Variants in MUC3A observed in about 807,000 individuals in gnomAD.
MUC3A encodes the protein mucin-3A.
A neutral mutation model predicts 109.0 loss-of-function variants in MUC3A; 109 were observed. The observed-to-expected ratio is 1.00, with a 90% CI of 0.86 to 1.17. The LOEUF is 1.17. Ranked by LOEUF, MUC3A falls within the 50% of genes most tolerant of loss-of-function variation. MUC3A has a pLI of 0.00. For missense variants in MUC3A, 3,537 were observed against 2,469.4 expected (o/e 1.43, Z -9.16); for synonymous variants, 1,398 against 981.4 (o/e 1.42, Z -7.93).
chr7:100,964,687 C>G lies in MUC3A; in HGVS notation c.9234-8C>G. ...CTGGGGCACTCTCTAAGGCTGTGGA[C>G]CCCTCAGGAATGGCAGCATCGTGGT... On this transcript the variant is annotated splice_polypyrimidine_tract_variant and splice_region_variant and intron_variant, in intron 5 of 11. Coordinates refer to ENST00000379458, the MANE Select transcript of MUC3A (RefSeq NM_005960.2). 6.3e-7 allele frequency: 1 copy of G among 1,597,482 alleles called. No individual in the cohort carries two copies.
Position 100,960,051 on chromosome 7 carries a change from T to C in MUC3A, c.8272T>C (p.Phe2758Leu). 6.6e-7 allele frequency: 1 copy of C among 1,510,050 alleles called. No individual in the cohort carries two copies. Among genetic ancestry groups the C allele is most frequent in the Non-Finnish European group, 8.8e-7 (1 of 1,140,292 alleles). 93.5% of individuals were successfully genotyped at this position (1,510,050 alleles called of 1,614,324 possible). Residue 2758 changes from phenylalanine (F) to leucine (L), a missense_variant, in exon 2 of 12, where the codon TTT becomes CTT. Phe to Leu is a conservative substitution (Grantham distance 22). Coordinates refer to ENST00000379458, the MANE Select transcript of MUC3A (RefSeq NM_005960.2). ...LTTALTEITP[F>L]SYISLPSTTP... Reference sequence around the variant, plus strand: ...CACAGCTCTCACTGAAATAACCCCCTTTTCTTATATTTCCCTTCCCTCCAC... The same window carrying C: ...CACAGCTCTCACTGAAATAACCCCCCTTTCTTATATTTCCCTTCCCTCCAC...
intron 8 of MUC3A, 56 bp from the exon 9 acceptor site, chr7:100,966,330 A>C: frequency 7.9e-7 from 1 of 1,263,086 alleles, no homozygotes; most frequent in Non-Finnish European, 9.9e-7. Flanking sequence ...GCCCAGGTGC[A>C]CGGGTGGACC....
chr7:100,965,294 A>C lies in MUC3A; in HGVS notation c.9395A>C (p.Lys3132Thr). 6.3e-7 allele frequency: 1 copy of C among 1,599,258 alleles called. No homozygotes were observed. Among genetic ancestry groups the C allele is most frequent in the African/African-American group, 1.3e-5 (1 of 75,076 alleles). ...TGTGTTTCCGCAGCCCTGTGTTTTA[A>C]GCCTGACTCCATCAAGGTGAACAAC... ...SCQDSQTLCF[K>T]PDSIKVNNNS... The change falls in exon 7 of 12, where the codon AAG becomes ACG. Residue 3132 changes from lysine to threonine, a missense_variant. Transcript: ENST00000379458.
chr7:100,951,857 C>T lies in MUC3A; in HGVS notation c.78C>T (p.Ala26=). Residue 26 remains alanine, a synonymous_variant, in exon 2 of 12, where the codon GCC becomes GCT. Transcript: ENST00000379458. The part of the protein sequence containing the change: ...SPWATGTLST[A]TSISQVPFPR... The stretch of plus-strand genomic sequence containing the variant: ...CCAATGCAGGAACTTTATCCACGGC[C>T]ACATCCATCTCTCAAGTGCCTTTCC... 2 of 1,596,902 alleles carry T rather than the reference C, an allele frequency of 1.3e-6. No homozygotes were observed. Among genetic ancestry groups the T allele is most frequent in the Non-Finnish European group, 8.5e-7 (1 of 1,178,158 alleles).
intron 5 of MUC3A, chr7:100,964,008 T>A: frequency 1.6e-6 from 1 of 624,270 alleles, no homozygotes. Flanking sequence ...GTGCCTGGAT[T>A]GATGACTTTG....
Position 100,967,102 on chromosome 7 carries a change from C to G in MUC3A, c.9931-19C>G, listed in dbSNP as rs1349264509. ...AACCAGTGGCTCCGCGTTCCCGTCC[C>G]TCACTGTGACTCTGACAGGTGCACA... On this transcript the variant is annotated intron_variant, in intron 11 of 11. Coordinates refer to ENST00000379458, the MANE Select transcript of MUC3A (RefSeq NM_005960.2). The G allele has an allele frequency of 6.3e-7, 1 of 1,598,544 alleles. No individual in the cohort carries two copies. Among genetic ancestry groups the G allele is most frequent in the Admixed American group, 1.7e-5 (1 of 60,030 alleles).
rs769214702 is a variant in MUC3A, at chr7:100,960,781, C to T, written c.8896C>T (p.Gln2966Ter). The change falls in exon 3 of 12, where the codon CAG becomes TAG. Residue 2966 changes from glutamine (Q) to a stop codon, truncating the protein, a stop_gained. Transcript: ENST00000379458. LOFTEE classifies it high-confidence loss of function. ...CTGTGACAATGGTGGCACCTGGGAA[C>T]AGGGCCAGTGTGCTTGCCTTCCGGG... The part of the protein sequence containing the change: ...GTCDNGGTWE[Q>*]GQCACLPGFS... 5 of 1,598,332 alleles carry T rather than the reference C, an allele frequency of 3.1e-6. No individual in the cohort carries two copies. In the South Asian group the frequency reaches 3.3e-5, roughly 11 times the overall value.
At chr7:100,966,354 T>A (rs587600579) in intron 8 of MUC3A, 32 bp from the exon 9 acceptor site, 26 of 1,304,264 alleles carry the variant, frequency 2.0e-5, no homozygotes, top group Non-Finnish European at 2.5e-5. Context: ...AGCCCGGAGG[T>A]GAAGAGGGTC....
At chr7:100,962,501 C>T (rs1792361602) in intron 3 of MUC3A, among the ~76,000 whole-genome samples, 1 of 152,310 alleles carries the variant, frequency 6.6e-6, no homozygotes, top group South Asian at 2.1e-4. Context: ...ATAGCATAGT[C>T]ACAGTTCTGG....
intron 1 of MUC3A, 49 bp from the exon 2 acceptor site, chr7:100,951,792 A>G (rs772533847): frequency 6.3e-6 from 10 of 1,577,334 alleles, no homozygotes; most frequent in Non-Finnish European, 7.7e-6. Context: ...ATGTAACAAA[A>G]TGACCCACGG....
In MUC3A at chr7:100,960,812, C is replaced by T. The variant is rs760192428; in HGVS notation, c.8927C>T (p.Ser2976Phe). The T allele has an allele frequency of 1.3e-6, 2 of 1,598,530 alleles. No homozygotes were observed. Among genetic ancestry groups the T allele is most frequent in the Admixed American group, 3.3e-5 (2 of 60,032 alleles). Residue 2976 changes from serine (S) to phenylalanine (F), a missense_variant, in exon 3 of 12, where the codon TCT becomes TTT. Transcript: ENST00000379458. Reference protein sequence around the residue: ...QGQCACLPGFSGDRCQLQTRC... With the variant: ...QGQCACLPGFFGDRCQLQTRC... ...CAGTGTGCTTGCCTTCCGGGGTTTTCTGGGGACCGCTGTCAGCTCCAGACC... is the reference window on the plus strand; with the variant it reads ...CAGTGTGCTTGCCTTCCGGGGTTTTTTGGGGACCGCTGTCAGCTCCAGACC...
In MUC3A at chr7:100,958,266, T is replaced by A; in HGVS notation, c.6487T>A (p.Ser2163Thr). The A allele has an allele frequency of 1.9e-6, 3 of 1,593,282 alleles. No individual in the cohort carries two copies. The highest frequency in any genetic ancestry group is 1.7e-6 in the Non-Finnish European group (2 of 1,175,170). Residue 2163 changes from serine (S) to threonine (T), a missense_variant, in exon 2 of 12, where the codon TCT (serine) becomes ACT (threonine). Physicochemically the swap from Ser to Thr is moderately conservative, Grantham distance 58 (BLOSUM62 1). Coordinates refer to ENST00000379458, the MANE Select transcript of MUC3A (RefSeq NM_005960.2). Reference sequence around the variant, plus strand: ...ATCCCACAGTACTCCCAGCTTCACTTCTTTGATCACCACCACGGAGACCAC... The same window carrying A: ...ATCCCACAGTACTCCCAGCTTCACTACTTTGATCACCACCACGGAGACCAC... ...TTSHSTPSFT[S>T]LITTTETTSH...
Position 100,958,376 on chromosome 7 carries a change from A to T in MUC3A, c.6597A>T (p.Ser2199=). The change falls in exon 2 of 12, where the codon TCA becomes TCT. Residue 2199 remains serine (S), a synonymous_variant. Transcript: ENST00000379458. ...CAAATACCATCACTGAGACCACCTC[A>T]CACAGTACTCCCAGCTACATTACCT... ...TSSNTITETT[S]HSTPSYITSI... is the part of the protein sequence containing the mutation. 1.3e-6 allele frequency: 1 copy of T among 752,300 alleles called. No homozygotes were observed. The highest frequency in any genetic ancestry group is 1.9e-6 in the Non-Finnish European group (1 of 538,518). The allele number at this position is 752,300 out of a possible 1,614,324, so 46.6% of individuals were successfully genotyped here.
Position 100,960,626 on chromosome 7 carries a change from C to T in MUC3A, c.8847C>T (p.Ser2949=), listed in dbSNP as rs1489857122. 2 of 1,598,064 alleles carry T rather than the reference C, an allele frequency of 1.3e-6. No homozygotes were observed. Among genetic ancestry groups the T allele is most frequent in the East Asian group, 2.2e-5 (1 of 44,890 alleles). ...TCACTTCTCAGATGACCACACAGTC[C>T]ACGTTGACCACCACTGCAGGTTGGA... ...TRITSQMTTQ[S]TLTTTAGTCD... is the part of the protein sequence containing the mutation. Residue 2949 remains serine, a synonymous_variant, in exon 2 of 12, where the codon TCC becomes TCT. Coordinates refer to ENST00000379458, the MANE Select transcript of MUC3A (RefSeq NM_005960.2).
At position 100,959,452 on chromosome 7, in the gene MUC3A, C is replaced by A; in HGVS notation, c.7673C>A (p.Thr2558Asn). 1 of 1,560,252 alleles carries A rather than the reference C, an allele frequency of 6.4e-7. No homozygotes were observed. The highest frequency in any genetic ancestry group is 8.6e-7 in the Non-Finnish European group (1 of 1,163,856). ...MSTVRMTLRI[T>N]ENTPISSFST... ...ACTGTGAGAATGACCCTCAGAATTA[C>A]TGAGAACACCCCAATCAGTTCCTTT... Residue 2558 changes from threonine to asparagine, a missense_variant, in exon 2 of 12, where the codon ACT becomes AAT. Transcript: ENST00000379458.
chr7:100,967,312 C>A lies in MUC3A; in HGVS notation c.*150C>A. On this transcript the variant is annotated 3_prime_UTR_variant, in exon 12 of 12. Coordinates refer to ENST00000379458, the MANE Select transcript of MUC3A (RefSeq NM_005960.2). ...TGAGACTGTTCCCCCAAATCCCATC[C>A]TTCTCCTTCCAACTTGGCTGAAACC... 1 of 1,299,726 alleles carries A rather than the reference C, an allele frequency of 7.7e-7. No individual in the cohort carries two copies. Among genetic ancestry groups the A allele is most frequent in the Non-Finnish European group, 1.1e-6 (1 of 950,416 alleles). 80.5% of individuals were successfully genotyped at this position (1,299,726 alleles called of 1,614,324 possible).
In MUC3A at chr7:100,951,868, C is replaced by A. The variant is rs575181324; in HGVS notation, c.89C>A (p.Ser30Tyr). 3.1e-5 allele frequency: 50 copies of A among 1,598,296 alleles called. No homozygotes were observed. The East Asian group carries it at 1.1e-3, about 34-fold the overall frequency. Residue 30 changes from serine to tyrosine, a missense_variant, in exon 2 of 12, where the codon TCT becomes TAT. Ser to Tyr is a moderately radical substitution (Grantham distance 144). Transcript: ENST00000379458. Reference protein sequence around the residue: ...TGTLSTATSISQVPFPRAEAA... With the variant: ...TGTLSTATSIYQVPFPRAEAA... ...ACTTTATCCACGGCCACATCCATCT[C>A]TCAAGTGCCTTTCCCCAGAGCAGAA... is the stretch of plus-strand genomic sequence containing the variant.
In MUC3A at chr7:100,960,390, A is replaced by G. The variant is rs756463568; in HGVS notation, c.8611A>G (p.Thr2871Ala). The change falls in exon 2 of 12, where the codon ACC (threonine) becomes GCC (alanine). Residue 2871 changes from threonine to alanine, a missense_variant. By Grantham distance (58) the Thr-to-Ala change is moderately conservative (BLOSUM62 0). Transcript: ENST00000379458. ...AAGTACTCGACTGCCCACCAGTGAGACCTGGCTGAGCAACAGTTCTGTGAT... is the reference window on the plus strand; with the variant it reads ...AAGTACTCGACTGCCCACCAGTGAGGCCTGGCTGAGCAACAGTTCTGTGAT... ...FTSTRLPTSE[T>A]WLSNSSVIPL... 15 of 1,598,416 alleles carry G rather than the reference A, an allele frequency of 9.4e-6. No individual in the cohort carries two copies. The highest frequency in any genetic ancestry group is 1.1e-5 in the Non-Finnish European group (13 of 1,179,826).
At position 100,955,062 on chromosome 7, in the gene MUC3A, G is replaced by C. The variant is rs1209731346; in HGVS notation, c.3283G>C (p.Val1095Leu). The change falls in exon 2 of 12, where the codon GTC becomes CTC. Residue 1095 changes from valine to leucine, a missense_variant. Physicochemically the swap from Val to Leu is conservative, Grantham distance 32. Coordinates refer to ENST00000379458, the MANE Select transcript of MUC3A (RefSeq NM_005960.2). ...TTYPTSPTSI[V>L]SDSTTEITYS... ...CTACCCTACTTCTCCCACCAGCATT[G>C]TCTCAGACTCCACGACTGAAATCAC... 3 of 593,038 alleles carry C rather than the reference G, an allele frequency of 5.1e-6. No individual in the cohort carries two copies. Among genetic ancestry groups the C allele is most frequent in the Non-Finnish European group, 9.0e-6 (3 of 333,964 alleles). 36.7% of individuals were successfully genotyped at this position (593,038 alleles called of 1,614,324 possible). A position where few individuals can be genotyped will look rare whatever the true frequency, so the allele number is the denominator to read the frequency against.
Sources: gnomAD v4.1 joint callset for allele counts (sites outside exome capture counted in the v4.1 genomes callset) on GRCh38, gnomAD v4.1.1 for gene constraint, MANE v1.5 for transcripts, NCBI Gene and HGNC (gene_info 2026-07-23, HGNC 2026-07-21) for gene names.